WDFY3: variants seen among roughly 807,000 people sequenced by gnomAD.
WDFY3 encodes WD repeat and FYVE domain-containing protein 3.
WDFY3 carries 66 observed loss-of-function variants against 409.6 expected under a neutral mutation model. The ratio of observed to expected loss-of-function variants is 0.16; its 90% confidence interval spans 0.13 to 0.20. The LOEUF is 0.20. WDFY3 is among the 10% of genes least tolerant of loss of function. WDFY3 has a pLI of 1.00. For missense variants in WDFY3, 3,031 were observed against 4,298.1 expected, an observed-to-expected ratio of 0.71 and a Z score of 8.24; for synonymous variants, 1,521 against 1,537.1, an observed-to-expected ratio of 0.99 and a Z score of 0.25.
At chr4:84,775,012 A>G in intron 28 of WDFY3, 31 bp from the exon 29 acceptor site, 2 of 1,613,680 alleles carry the variant, frequency 1.2e-6, no homozygotes, top group Non-Finnish European at 8.5e-7. Context: ...TATACACTGT[A>G]CTATCACCTT....
rs1275326884 is a variant in WDFY3 at position 84,709,195 on chromosome 4, A to G, written c.8097+98T>C. ...AGAATGAAAATAAAACATTTTCTCTATGGTATATATTTTATGGATAATTAA... is the reference window on the plus strand; with the variant it reads ...AGAATGAAAATAAAACATTTTCTCTGTGGTATATATTTTATGGATAATTAA... On this transcript the variant is annotated intron_variant, in intron 52 of 67. Coordinates refer to ENST00000295888, the MANE Select transcript of WDFY3 (RefSeq NM_014991.6). 3 of 1,401,824 alleles carry G rather than the reference A, an allele frequency of 2.1e-6. No homozygotes were observed. The African/African-American group carries it at 4.4e-5, about 20-fold the overall frequency. The allele number at this position is 1,401,824 out of a possible 1,614,324, so 86.8% of individuals were successfully genotyped here. A position where few individuals can be genotyped will look rare whatever the true frequency, so the allele number is the denominator to read the frequency against.
At chr4:84,718,886 G>C (rs909131824) in intron 47 of WDFY3, among the ~76,000 whole-genome samples, 6 of 152,194 alleles carry the variant, frequency 3.9e-5, no homozygotes, top group African/African-American at 1.4e-4. Flanking sequence ...AAGGGAGACA[G>C]ACACAGCAAA....
chr4:84,777,502 C>A (rs201340068), intron 27 of WDFY3, among the ~76,000 whole-genome samples: 1 of 152,030 alleles, frequency 6.6e-6, no homozygotes, highest in Non-Finnish European at 1.5e-5. Context: ...GGGAAACAGA[C>A]AATAGCCAAT....
At chr4:84,864,492 A>G (rs1203107971) in intron 3 of WDFY3, among the ~76,000 whole-genome samples, 1 of 152,218 alleles carries the variant, frequency 6.6e-6, no homozygotes, top group Non-Finnish European at 1.5e-5. Context: ...CCAATCCATG[A>G]ACAAAAGAAA....
intron 58 of WDFY3, among the ~76,000 whole-genome samples, chr4:84,695,501 G>GAGAGAGAT (rs1308717469): frequency 7.6e-6 from 1 of 131,626 alleles, no homozygotes; most frequent in South Asian, 2.5e-4. Context: ...CACAGAGACA[G>GAGAGAGAT]AGAGAGATAG....
chr4:84,733,832 G>T (rs1020272633), intron 43 of WDFY3, among the ~76,000 whole-genome samples: 2 of 152,194 alleles, frequency 1.3e-5, no homozygotes, highest in Non-Finnish European at 2.9e-5. Context: ...GACATGGATA[G>T]GGTAGAGTGT....
At chr4:84,839,853 A>T (rs1463153736) in intron 6 of WDFY3, among the ~76,000 whole-genome samples, 2 of 152,094 alleles carry the variant, frequency 1.3e-5, no homozygotes, top group Non-Finnish European at 2.9e-5. Context: ...ACAGAGCAAG[A>T]GTCCACCTCA....
rs143482341 is a variant in WDFY3 at position 84,751,160 on chromosome 4, A to G, written c.5973+323T>C. 2.1e-3 allele frequency: 767 copies of G among 361,030 alleles called. 5 individuals are homozygous for G. Among genetic ancestry groups the G allele is most frequent in the African/African-American group, 0.015 (700 of 48,274 alleles). 22.4% of individuals were successfully genotyped at this position (361,030 alleles called of 1,614,324 possible). Reference sequence around the variant, plus strand: ...TCCATGGCTGCTTTCTAGCTACAACATACTTGAACAGATGTGACAGAGACC... The same window carrying G: ...TCCATGGCTGCTTTCTAGCTACAACGTACTTGAACAGATGTGACAGAGACC... On this transcript the variant is annotated intron_variant, in intron 36 of 67. Coordinates refer to ENST00000295888, the MANE Select transcript of WDFY3 (RefSeq NM_014991.6).
intron 1 of WDFY3, among the ~76,000 whole-genome samples, chr4:84,957,842 T>C (rs1774436322): frequency 6.6e-6 from 1 of 152,234 alleles, no homozygotes; most frequent in African/African-American, 2.4e-5. Context: ...AGAACTGATA[T>C]TCTAGATCTA....
chr4:84,747,091 C>T (rs1319186523), intron 36 of WDFY3, among the ~76,000 whole-genome samples: 2 of 152,172 alleles, frequency 1.3e-5, no homozygotes, highest in African/African-American at 2.4e-5. Context: ...AGGACAGGCA[C>T]GGTGATCTGC....
chr4:84,713,799 G>T (rs1733349290), intron 50 of WDFY3, among the ~76,000 whole-genome samples: 1 of 152,176 alleles, frequency 6.6e-6, no homozygotes, highest in Non-Finnish European at 1.5e-5. Context: ...TTAAGTACCA[G>T]AGATGTGTGT....
chr4:84,923,473 C>G (rs1212488497), intron 2 of WDFY3, among the ~76,000 whole-genome samples: 1 of 152,130 alleles, frequency 6.6e-6, no homozygotes, highest in Non-Finnish European at 1.5e-5. Context: ...TTTGGGTCTT[C>G]ATTTCTTTAT....
chr4:84,724,693 T>A, intron 45 of WDFY3, 99 bp from the exon 46 acceptor site: 1 of 1,329,422 alleles, frequency 7.5e-7, no homozygotes, highest in Non-Finnish European at 1.0e-6. Flanking sequence ...TGTTACCTTT[T>A]TAAAGGGGCT....
chr4:84,708,327 C>G (rs532682535), intron 53 of WDFY3, among the ~76,000 whole-genome samples: 1 of 152,286 alleles, frequency 6.6e-6, no homozygotes, highest in East Asian at 1.9e-4. Flanking sequence ...CAGATGGATT[C>G]TGACATCCAC....
intron 2 of WDFY3, among the ~76,000 whole-genome samples, chr4:84,922,763 G>T (rs1769456650): frequency 6.6e-6 from 1 of 152,078 alleles, no homozygotes; most frequent in Non-Finnish European, 1.5e-5. Flanking sequence ...TGACTCAAGG[G>T]ATCCTCCTGC....
chr4:84,731,680 T>A (rs1736631999), intron 44 of WDFY3, among the ~76,000 whole-genome samples: 1 of 152,234 alleles, frequency 6.6e-6, no homozygotes, highest in Non-Finnish European at 1.5e-5. Flanking sequence ...CTGATGATAC[T>A]ACGGTTGTAG....
chr4:84,753,998 T>C (rs978571590), intron 34 of WDFY3, 122 bp from the exon 35 acceptor site: 3 of 1,091,192 alleles, frequency 2.7e-6, no homozygotes, highest in Admixed American at 7.5e-5. Context: ...CAGAACTCTG[T>C]AAACCACACA....
chr4:84,753,348 TAG>T (rs1413425690), intron 35 of WDFY3, among the ~76,000 whole-genome samples: 1 of 152,168 alleles, frequency 6.6e-6, no homozygotes, highest in Non-Finnish European at 1.5e-5. Flanking sequence ...TTGGTCAGAC[TAG>T]AGTTATCTTA....
At chr4:84,905,794 C>A (rs1250687040) in intron 2 of WDFY3, among the ~76,000 whole-genome samples, 1 of 152,204 alleles carries the variant, frequency 6.6e-6, no homozygotes, top group Non-Finnish European at 1.5e-5. Flanking sequence ...CTCCCCCAGA[C>A]ATCTCCAGGC....
Sources: allele counts gnomAD v4.1 joint callset (sites outside exome capture counted in the v4.1 genomes callset), GRCh38; gene constraint gnomAD v4.1.1; transcripts MANE v1.5; gene names NCBI Gene and HGNC (gene_info 2026-07-23, HGNC 2026-07-21).